Variants in DOCK2 observed in about 807,000 individuals in gnomAD.
DOCK2 encodes dedicator of cytokinesis protein 2.
DOCK2 carries 87 observed loss-of-function variants against 248.9 expected under a neutral mutation model. That is an observed-to-expected ratio of 0.35 (90% CI 0.29 to 0.42). The LOEUF (loss-of-function observed/expected upper bound fraction) is 0.42. Among genes scored for constraint, DOCK2 ranks in the 10% least tolerant of loss-of-function variants. DOCK2 has a pLI of 1.00. For synonymous variants in DOCK2, 805 were observed against 821.6 expected (o/e 0.98, Z 0.35); for missense variants, 1,747 against 2,300.2 (o/e 0.76, Z 4.92).
chr5:169,782,746 T>G (rs1251060053), intron 25 of DOCK2, among the ~76,000 whole-genome samples: 1 of 152,210 alleles, frequency 6.6e-6, no homozygotes, highest in Non-Finnish European at 1.5e-5. Context: ...TTTCATCCAC[T>G]CTGCTGGCTC....
chr5:169,761,436 G>T, intron 24 of DOCK2, 83 bp from the exon 25 acceptor site: 3 of 1,158,044 alleles, frequency 2.6e-6, no homozygotes, highest in Admixed American at 1.8e-5. Flanking sequence ...AGAGCTAGAG[G>T]TCCAGGGATG....
chr5:169,891,218 G>A (rs1163018733), intron 27 of DOCK2, among the ~76,000 whole-genome samples: 2 of 152,018 alleles, frequency 1.3e-5, no homozygotes, highest in Non-Finnish European at 2.9e-5. Flanking sequence ...ATCCTTCCAA[G>A]CCTGTTATCT....
intron 1 of DOCK2, among the ~76,000 whole-genome samples, chr5:169,653,044 C>T (rs1398887575): frequency 6.6e-6 from 1 of 152,050 alleles, no homozygotes; most frequent in Non-Finnish European, 1.5e-5. Flanking sequence ...CATTGTATGA[C>T]CTTGGGCAAG....
chr5:169,977,471 A>G (rs1455509355), intron 27 of DOCK2, among the ~76,000 whole-genome samples: 2 of 152,224 alleles, frequency 1.3e-5, no homozygotes, highest in Non-Finnish European at 2.9e-5. Flanking sequence ...AGTCCTTTAC[A>G]CAAATTAATT....
At chr5:169,867,406 T>A (rs1198863631) in intron 27 of DOCK2, among the ~76,000 whole-genome samples, 3 of 84,468 alleles carry the variant, frequency 3.6e-5, no homozygotes, top group Non-Finnish European at 7.6e-5. Context: ...GGTGAAAACC[T>A]CTCTGTCTGT....
intron 11 of DOCK2, 47 bp from the exon 12 acceptor site, chr5:169,699,335 C>A: frequency 6.3e-7 from 1 of 1,586,416 alleles, no homozygotes; most frequent in Non-Finnish European, 8.6e-7. Flanking sequence ...CCTTGAAACG[C>A]AAGGAGGACA....
At chr5:170,019,155 C>A (rs1187381870) in intron 33 of DOCK2, 47 bp downstream of exon 33, 1 of 1,611,716 alleles carries the variant, frequency 6.2e-7, no homozygotes, top group East Asian at 2.2e-5. Flanking sequence ...TAATCCCCAG[C>A]CCATTTCCCC....
chr5:169,944,954 C>G (rs1776386173), intron 27 of DOCK2, among the ~76,000 whole-genome samples: 3 of 152,200 alleles, frequency 2.0e-5, no homozygotes, highest in African/African-American at 7.2e-5. Context: ...CTTCAGAAAT[C>G]CTCTCTGGGG....
At chr5:170,019,184 C>CGAG in intron 33 of DOCK2, 76 bp downstream of exon 33, 1 of 1,600,802 alleles carries the variant, frequency 6.2e-7, no homozygotes, top group Non-Finnish European at 8.5e-7. Flanking sequence ...ATCCTCATTC[C>CGAG]ATCTCCCTGA....
rs1773081034 is a variant in DOCK2 at position 169,888,152 on chromosome 5, A to G, written c.2799+47300A>G. On this transcript the variant is annotated intron_variant, in intron 27 of 51. Coordinates refer to ENST00000520908, the MANE Select transcript of DOCK2 (RefSeq NM_004946.3). ...TACAAAATTTTCTCTTGACAAAAAT[A>G]TTTTGTGTCGGAACTCTCCTGCCCT... Among the ~76,000 whole-genome samples, 3 of 152,192 alleles carry G rather than the reference A, an allele frequency of 2.0e-5. No homozygotes were observed. The South Asian group carries it at 6.2e-4, about 32-fold the overall frequency.
chr5:169,802,125 T>C (rs1235503659), intron 25 of DOCK2, among the ~76,000 whole-genome samples: 1 of 152,128 alleles, frequency 6.6e-6, no homozygotes. Context: ...GAAACAGCAA[T>C]GTCAAGAGAC....
At chr5:169,690,505 T>TA (rs1487646589) in intron 9 of DOCK2, among the ~76,000 whole-genome samples, 4 of 152,212 alleles carry the variant, frequency 2.6e-5, no homozygotes, top group Non-Finnish European at 4.4e-5. Flanking sequence ...TTATTTTCTT[T>TA]AAAAAATGGG....
intron 29 of DOCK2, among the ~76,000 whole-genome samples, chr5:169,994,144 C>T (rs1778277221): frequency 6.6e-6 from 1 of 152,052 alleles, no homozygotes; most frequent in African/African-American, 2.4e-5. Flanking sequence ...GCTTGAGATG[C>T]CTAAAAGTTA....
intron 27 of DOCK2, among the ~76,000 whole-genome samples, chr5:169,954,399 A>G (rs981014045): frequency 6.6e-6 from 1 of 152,120 alleles, no homozygotes; most frequent in Non-Finnish European, 1.5e-5. Context: ...ATCTATTTTG[A>G]TTTTTCAGTT....
chr5:169,985,315 G>A (rs1033908050), intron 28 of DOCK2, among the ~76,000 whole-genome samples: 21 of 151,910 alleles, frequency 1.4e-4, no homozygotes, highest in African/African-American at 4.8e-4. Context: ...AGGAGAGGAA[G>A]AGTTCCTGTC....
chr5:169,795,627 A>T (rs1300413216), intron 25 of DOCK2, among the ~76,000 whole-genome samples: 1 of 152,218 alleles, frequency 6.6e-6, no homozygotes, highest in African/African-American at 2.4e-5. Flanking sequence ...TCTTCGTGAT[A>T]TGCTGGCTGG....
Position 170,039,397 on chromosome 5 carries a change from T to C in DOCK2, c.3666-1658T>C, listed in dbSNP as rs533233364. On this transcript the variant is annotated intron_variant, in intron 36 of 51. Transcript: ENST00000520908. ...GCTGTTATGTATCTGATGATTTGAT[T>C]CATGCCTGTCTCTTCTCCTAGACTC... Among the ~76,000 whole-genome samples, 42 of 152,358 alleles carry C rather than the reference T, an allele frequency of 2.8e-4. No individual in the cohort carries two copies. The South Asian group carries it at 8.1e-3, about 29-fold the overall frequency.
At chr5:169,661,928 G>A (rs1163498901) in intron 2 of DOCK2, among the ~76,000 whole-genome samples, 2 of 152,194 alleles carry the variant, frequency 1.3e-5, no homozygotes, top group Non-Finnish European at 2.9e-5. Context: ...GAATATGAGA[G>A]TATAGACATA....
intron 25 of DOCK2, among the ~76,000 whole-genome samples, chr5:169,770,926 A>G (rs558705384): frequency 6.6e-6 from 1 of 152,298 alleles, no homozygotes; most frequent in African/African-American, 2.4e-5. Context: ...ATTCTTGTAC[A>G]TGTCTCTTGT....
Sources: gnomAD v4.1 joint callset for allele counts (sites outside exome capture counted in the v4.1 genomes callset) on GRCh38, gnomAD v4.1.1 for gene constraint, MANE v1.5 for transcripts, NCBI Gene and HGNC (gene_info 2026-07-23, HGNC 2026-07-21) for gene names.